The following KCNQ5 variants were observed in gnomAD, a reference collection of about 807,000 sequenced individuals.
KCNQ5 encodes potassium voltage-gated channel subfamily Q member 5, also known as potassium voltage-gated channel subfamily KQT member 5.
In KCNQ5, 30 loss-of-function variants were observed where a neutral mutation model predicts 98.2. The ratio of observed to expected loss-of-function variants is 0.31; its 90% CI spans 0.23 to 0.41. The LOEUF (loss-of-function observed/expected upper bound fraction) is 0.41, where lower values mean the gene tolerates loss of function less well. Among genes scored for constraint, KCNQ5 ranks in the 10% least tolerant of loss-of-function variants. KCNQ5 has a pLI of 1.00. For missense variants in KCNQ5, 835 were observed against 1,182.5 expected (o/e 0.71, Z 4.31); for synonymous variants, 458 against 449.4 (o/e 1.02, Z -0.24).
Position 73,105,263 on chromosome 6 carries a change from T to C in KCNQ5, c.925T>C (p.Leu309=), listed in dbSNP as rs762517911. 1.3e-6 allele frequency: 2 copies of C among 1,593,842 alleles called. No homozygotes were observed. Among genetic ancestry groups the C allele is most frequent in the Non-Finnish European group, 1.7e-6 (2 of 1,164,366 alleles). Residue 309 remains leucine (L), a synonymous_variant, in exon 6 of 14, where the codon TTG becomes CTG. Coordinates refer to ENST00000370398, the MANE Select transcript of KCNQ5 (RefSeq NM_019842.4). ...ADALWWGTIT[L]TTIGYGDKTP... ...CTATTTATTTTGTTTCTAGATTACA[T>C]TGACAACTATTGGCTATGGAGACAA...
rs140249800 is a variant in KCNQ5 at position 73,088,288 on chromosome 6, T to C, written c.918+10401T>C. 7.4e-3 allele frequency among the ~76,000 whole-genome samples: 1,125 copies of C among 152,262 alleles called. 11 individuals carry two copies. Among genetic ancestry groups the C allele is most frequent in the Middle Eastern group, 0.031 (9 of 294 alleles). ...CACCTGCCTCGGCCTCCCAAAGTGC[T>C]GAGATTACAGGCATAAGCCACCGTG... On this transcript the variant is annotated intron_variant, in intron 5 of 13. Transcript: ENST00000370398.
chr6:72,958,246 C>T (rs957948415), intron 1 of KCNQ5, among the ~76,000 whole-genome samples: 4 of 152,112 alleles, frequency 2.6e-5, no homozygotes, highest in Admixed American at 2.0e-4. Flanking sequence ...TGATAGCCTC[C>T]CCATCCCCAT....
chr6:73,029,552 T>C (rs572972990), intron 2 of KCNQ5, among the ~76,000 whole-genome samples: 1 of 151,742 alleles, frequency 6.6e-6, no homozygotes, highest in Non-Finnish European at 1.5e-5. Flanking sequence ...TATTGTTTAA[T>C]GGTTCAATTG....
At chr6:72,946,732 A>C (rs1766564547) in intron 1 of KCNQ5, among the ~76,000 whole-genome samples, 1 of 152,238 alleles carries the variant, frequency 6.6e-6, no homozygotes, top group Non-Finnish European at 1.5e-5. Context: ...GATTTGTTTA[A>C]TGGTAAAGTG....
At chr6:72,648,843 C>G (rs948665767) in intron 1 of KCNQ5, among the ~76,000 whole-genome samples, 15 of 149,880 alleles carry the variant, frequency 1.0e-4, no homozygotes, top group Non-Finnish European at 1.5e-5. Flanking sequence ...AAAAGAAAAG[C>G]CTACGTGTGT....
intron 1 of KCNQ5, among the ~76,000 whole-genome samples, chr6:72,647,792 A>G (rs1414421143): frequency 1.3e-5 from 2 of 152,198 alleles, no homozygotes; most frequent in African/African-American, 2.4e-5. Context: ...CCCCCATTAG[A>G]TCACAGTATT....
intron 1 of KCNQ5, among the ~76,000 whole-genome samples, chr6:72,630,090 A>G (rs2098919987): frequency 1.3e-5 from 2 of 152,214 alleles, no homozygotes; most frequent in South Asian, 2.1e-4. Flanking sequence ...GCACATACAT[A>G]CTGTTATCTT....
intron 5 of KCNQ5, among the ~76,000 whole-genome samples, chr6:73,081,930 C>T (rs1384629106): frequency 6.6e-6 from 1 of 152,272 alleles, no homozygotes; most frequent in African/African-American, 2.4e-5. Flanking sequence ...GAAGGTGCCC[C>T]CACTCCACCT....
chr6:72,769,858 G>C (rs1772766764), intron 1 of KCNQ5, among the ~76,000 whole-genome samples: 1 of 152,120 alleles, frequency 6.6e-6, no homozygotes, highest in Non-Finnish European at 1.5e-5. Context: ...CTTTGGAGAT[G>C]CAAAGAACTC....
At chr6:72,928,164 G>A (rs1421590880) in intron 1 of KCNQ5, among the ~76,000 whole-genome samples, 1 of 151,950 alleles carries the variant, frequency 6.6e-6, no homozygotes, top group African/African-American at 2.4e-5. Context: ...ACATGGGGCA[G>A]GTCCTTAGGT....
chr6:72,965,705 T>C (rs1767572058), intron 1 of KCNQ5, among the ~76,000 whole-genome samples: 1 of 152,174 alleles, frequency 6.6e-6, no homozygotes, highest in Admixed American at 6.6e-5. Context: ...AATCCAAACT[T>C]CCACAATCAA....
intron 1 of KCNQ5, among the ~76,000 whole-genome samples, chr6:72,710,991 C>G (rs1769337786): frequency 6.6e-6 from 1 of 152,082 alleles, no homozygotes; most frequent in Non-Finnish European, 1.5e-5. Flanking sequence ...AATATCTTTT[C>G]TGACCATAGT....
At chr6:72,780,891 T>C (rs1368847570) in intron 1 of KCNQ5, among the ~76,000 whole-genome samples, 1 of 152,142 alleles carries the variant, frequency 6.6e-6, no homozygotes, top group Non-Finnish European at 1.5e-5. Context: ...AGCAATTTAA[T>C]CATAGAAAAG....
At chr6:72,744,374 T>G (rs928528004) in intron 1 of KCNQ5, among the ~76,000 whole-genome samples, 6 of 152,238 alleles carry the variant, frequency 3.9e-5, no homozygotes, top group Non-Finnish European at 8.8e-5. Flanking sequence ...TATAGATGTG[T>G]ACTGCCATCT....
chr6:72,811,150 G>A (rs371238842), intron 1 of KCNQ5, among the ~76,000 whole-genome samples: 4 of 152,276 alleles, frequency 2.6e-5, no homozygotes, highest in East Asian at 1.9e-4. Flanking sequence ...CAGAGCCTTC[G>A]TGCAAAATAA....
chr6:72,672,998 G>C (rs370384252), intron 1 of KCNQ5, among the ~76,000 whole-genome samples: 1 of 152,200 alleles, frequency 6.6e-6, no homozygotes, highest in African/African-American at 2.4e-5. Context: ...CTGATGACCA[G>C]ACTAGGAGAG....
intron 1 of KCNQ5, among the ~76,000 whole-genome samples, chr6:72,893,253 G>C (rs961153836): frequency 6.6e-6 from 1 of 152,074 alleles, no homozygotes; most frequent in African/African-American, 2.4e-5. Context: ...TCTGTCCCAG[G>C]CTGCATTGAG....
chr6:72,995,442 A>G (rs922931425), intron 1 of KCNQ5, among the ~76,000 whole-genome samples: 3 of 152,170 alleles, frequency 2.0e-5, no homozygotes, highest in African/African-American at 7.2e-5. Context: ...GAGTAAAAAA[A>G]TTACATTAAA....
chr6:72,964,221 A>C (rs1053080766), intron 1 of KCNQ5, among the ~76,000 whole-genome samples: 103 of 152,208 alleles, frequency 6.8e-4, no homozygotes, highest in Non-Finnish European at 1.0e-3. Context: ...AGACTTTTAA[A>C]TGTAAGTTAT....
Sources: allele counts gnomAD v4.1 joint callset (sites outside exome capture counted in the v4.1 genomes callset), GRCh38; gene constraint gnomAD v4.1.1; transcripts MANE v1.5; gene names NCBI Gene and HGNC (gene_info 2026-07-23, HGNC 2026-07-21).